ATP8A1: variants seen among roughly 807,000 people sequenced by gnomAD.
ATP8A1 encodes the protein phospholipid-transporting ATPase IA.
ATP8A1 carries 90 observed loss-of-function variants against 177.7 expected under a neutral mutation model. That is an observed-to-expected ratio of 0.51 (90% CI 0.43 to 0.60). The LOEUF (loss-of-function observed/expected upper bound fraction) is 0.60. Ranked by LOEUF, ATP8A1 falls within the 20% of genes least tolerant of loss-of-function variation. ATP8A1 has a pLI of 0.00. For synonymous variants in ATP8A1, 493 were observed against 485.9 expected, an observed-to-expected ratio of 1.01 and a Z score of -0.19; for missense variants, 1,072 against 1,392.8, an observed-to-expected ratio of 0.77 and a Z score of 3.67.
intron 20 of ATP8A1, among the ~76,000 whole-genome samples, chr4:42,530,471 G>A (rs766304995): frequency 3.9e-5 from 6 of 152,222 alleles, no homozygotes; most frequent in Non-Finnish European, 8.8e-5. Context: ...CTTCCACACA[G>A]TACTGCCTCT....
At chr4:42,452,275 GAATTT>G (rs1038594517) in intron 29 of ATP8A1, among the ~76,000 whole-genome samples, 2 of 151,830 alleles carry the variant, frequency 1.3e-5, no homozygotes, top group African/African-American at 4.8e-5. Flanking sequence ...AGCTTCACTT[GAATTT>G]TTTTTTCTGC....
chr4:42,491,112 G>A (rs965280517), intron 24 of ATP8A1, among the ~76,000 whole-genome samples: 2 of 151,870 alleles, frequency 1.3e-5, no homozygotes, highest in African/African-American at 4.8e-5. Flanking sequence ...TTATCTCATA[G>A]AGAAAATGAA....
rs1406734584 is a variant in ATP8A1 at position 42,633,810 on chromosome 4, AT to A, written c.50-6702del. ...TAGTGATGCTACTATAGCTGCTGCT[AT>A]TTTACACTGAATGGTCAGAGAAGAC... On this transcript the variant is annotated intron_variant, in intron 1 of 36. Transcript: ENST00000381668. Among the ~76,000 whole-genome samples, 3 of 151,026 alleles carry A rather than the reference AT, an allele frequency of 2.0e-5. No homozygotes were observed. In the Admixed American group the frequency reaches 2.0e-4, roughly 10 times the overall value.
At chr4:42,552,451 T>A in intron 17 of ATP8A1, 54 bp downstream of exon 17, 2 of 1,414,788 alleles carry the variant, frequency 1.4e-6, no homozygotes, top group Middle Eastern at 3.5e-4. Flanking sequence ...AATTGACTTT[T>A]ACATTCAGAA....
chr4:42,549,026 A>T lies in ATP8A1; in HGVS notation c.1639T>A (p.Leu547Met), dbSNP rs758938584. The T allele has an allele frequency of 2.5e-6, 4 of 1,611,894 alleles. No homozygotes were observed. The highest frequency in any genetic ancestry group is 2.5e-6 in the Non-Finnish European group (3 of 1,178,690). Residue 547 changes from leucine (L) to methionine (M), a missense_variant, in exon 19 of 37, where the codon TTG becomes ATG. Coordinates refer to ENST00000381668, the MANE Select transcript of ATP8A1 (RefSeq NM_006095.2). ...QEERYELLNV[L>M]EFTSARKRMS... ...CAGATGTTTTACCTGGTAAACTCCA[A>T]GACATTGAGCAATTCATATCTTTCT...
chr4:42,574,778 CA>C, intron 13 of ATP8A1, 71 bp from the exon 14 acceptor site: 2 of 1,052,258 alleles, frequency 1.9e-6, no homozygotes, highest in Non-Finnish European at 2.8e-6. Flanking sequence ...AGAAACCCCT[CA>C]TGCTTTTTAT....
intron 20 of ATP8A1, among the ~76,000 whole-genome samples, chr4:42,529,932 T>C (rs1727091075): frequency 1.4e-5 from 2 of 143,538 alleles, no homozygotes; most frequent in South Asian, 2.1e-4. Flanking sequence ...GGAAGAAGCA[T>C]GACTGGAAAA....
chr4:42,446,695 A>G (rs1454562140), intron 30 of ATP8A1, 51 bp from the exon 31 acceptor site: 1 of 1,526,776 alleles, frequency 6.5e-7, no homozygotes. Context: ...TTCTTTCAGA[A>G]TCTTTTCAAA....
At chr4:42,648,455 A>G (rs1740769304) in intron 1 of ATP8A1, among the ~76,000 whole-genome samples, 1 of 152,188 alleles carries the variant, frequency 6.6e-6, no homozygotes, top group Non-Finnish European at 1.5e-5. Context: ...GTGGGAAGAA[A>G]GGATTATTAA....
At chr4:42,637,038 T>C in intron 1 of ATP8A1, 1 of 477,984 alleles carries the variant, frequency 2.1e-6, no homozygotes, top group Non-Finnish European at 4.1e-6. Context: ...AGTCCTCTGT[T>C]GGAAGCCAAG....
intron 27 of ATP8A1, among the ~76,000 whole-genome samples, chr4:42,462,103 GCATAAAAGTT>G (rs1719230668): frequency 1.3e-5 from 2 of 152,260 alleles, no homozygotes; most frequent in South Asian, 4.1e-4. Flanking sequence ...GGGAAGCAGA[GCATAAAAGTT>G]CAAAAAATTT....
intron 30 of ATP8A1, among the ~76,000 whole-genome samples, chr4:42,451,413 C>T (rs1717918064): frequency 6.6e-6 from 1 of 152,184 alleles, no homozygotes; most frequent in Non-Finnish European, 1.5e-5. Flanking sequence ...ACAGGGATCT[C>T]TTTTCTAAAG....
intron 20 of ATP8A1, among the ~76,000 whole-genome samples, chr4:42,528,994 T>C (rs1350546083): frequency 6.6e-6 from 1 of 152,150 alleles, no homozygotes; most frequent in Non-Finnish European, 1.5e-5. Flanking sequence ...CCTCCTACAA[T>C]GAGAGGCACA....
chr4:42,530,915 A>AC (rs943775382), intron 20 of ATP8A1, among the ~76,000 whole-genome samples: 3 of 152,312 alleles, frequency 2.0e-5, no homozygotes, highest in Non-Finnish European at 2.9e-5. Context: ...TGTTCCTGCG[A>AC]CATTATGTTC....
intron 4 of ATP8A1, among the ~76,000 whole-genome samples, chr4:42,619,461 T>C (rs1416253222): frequency 6.6e-6 from 1 of 152,158 alleles, no homozygotes; most frequent in African/African-American, 2.4e-5. Context: ...TTTCCAAGTA[T>C]GTGTGTTATT....
chr4:42,494,738 T>A (rs1193819467), intron 24 of ATP8A1, among the ~76,000 whole-genome samples: 1 of 152,226 alleles, frequency 6.6e-6, no homozygotes, highest in Non-Finnish European at 1.5e-5. Flanking sequence ...CTGAAAATAA[T>A]TGGAAAGTTA....
intron 22 of ATP8A1, among the ~76,000 whole-genome samples, chr4:42,511,073 G>A (rs550528640): frequency 1.1e-4 from 16 of 152,134 alleles, no homozygotes; most frequent in Non-Finnish European, 1.6e-4. Context: ...CTCCATAAGC[G>A]TGTTAATTTT....
At chr4:42,506,685 TA>T (rs1434206835) in intron 23 of ATP8A1, among the ~76,000 whole-genome samples, 1 of 148,648 alleles carries the variant, frequency 6.7e-6, no homozygotes. Context: ...CGAGCTATTA[TA>T]AACTCTTTCC....
At chr4:42,615,993 G>C (rs1401267255) in intron 5 of ATP8A1, 40 bp downstream of exon 5, 1 of 1,558,070 alleles carries the variant, frequency 6.4e-7, no homozygotes, top group African/African-American at 1.4e-5. Flanking sequence ...ACTACAAGTA[G>C]GTTTGACAAA....
Sources: gnomAD v4.1 joint callset for allele counts (sites outside exome capture counted in the v4.1 genomes callset) on GRCh38, gnomAD v4.1.1 for gene constraint, MANE v1.5 for transcripts, NCBI Gene and HGNC (gene_info 2026-07-23, HGNC 2026-07-21) for gene names.